The following GLI3 variants were observed in gnomAD, a reference collection of about 807,000 sequenced individuals.
GLI3 encodes the protein GLI family zinc finger 3.
A neutral mutation model predicts 100.8 loss-of-function variants in GLI3; 20 were observed. That is an observed-to-expected ratio of 0.20 (90% confidence interval 0.14 to 0.29). GLI3 has a LOEUF of 0.29. Among genes scored for constraint, GLI3 ranks in the 10% least tolerant of loss-of-function variants. The pLI is 1.00. For missense variants in GLI3, 2,040 were observed against 2,128.5 expected (o/e 0.96, Z 0.82); for synonymous variants, 938 against 860.5 (o/e 1.09, Z -1.58).
At chr7:42,212,177 T>A (rs1285169391) in intron 2 of GLI3, among the ~76,000 whole-genome samples, 1 of 152,210 alleles carries the variant, frequency 6.6e-6, no homozygotes, top group Non-Finnish European at 1.5e-5. Context: ...TGGCATGAAA[T>A]GCATTTGTTT....
intron 3 of GLI3, among the ~76,000 whole-genome samples, chr7:42,084,473 C>A (rs1038611836): frequency 6.6e-6 from 1 of 152,220 alleles, no homozygotes; most frequent in Admixed American, 6.5e-5. Flanking sequence ...GGAAAGAAAA[C>A]CACATCTACG....
At chr7:42,126,203 T>C (rs955062808) in intron 3 of GLI3, among the ~76,000 whole-genome samples, 29 of 152,216 alleles carry the variant, frequency 1.9e-4, no homozygotes, top group African/African-American at 6.5e-4. Flanking sequence ...GTAGTGCCTG[T>C]GTTTCTCTGA....
At chr7:42,046,800 C>T (rs1467342778) in intron 5 of GLI3, among the ~76,000 whole-genome samples, 1 of 152,146 alleles carries the variant, frequency 6.6e-6, no homozygotes, top group Non-Finnish European at 1.5e-5. Flanking sequence ...TTCTCCAGTT[C>T]TTCAAGTGCA....
chr7:42,045,883 T>C lies in GLI3; in HGVS notation c.680-353A>G, dbSNP rs553934362. Among the ~76,000 whole-genome samples the C allele has an allele frequency of 1.2e-4, 18 of 152,350 alleles. No individual in the cohort carries two copies. The South Asian group carries it at 3.7e-3, about 32-fold the overall frequency. ...CAAATCACTGTATGTTTGCATTTCTTACAATAGTAGACAACTTAGAAGACT... is the reference window on the plus strand; with the variant it reads ...CAAATCACTGTATGTTTGCATTTCTCACAATAGTAGACAACTTAGAAGACT... On this transcript the variant is annotated intron_variant, in intron 5 of 14. Coordinates refer to ENST00000395925, the MANE Select transcript of GLI3 (RefSeq NM_000168.6).
At chr7:42,090,722 C>T (rs1785199463) in intron 3 of GLI3, among the ~76,000 whole-genome samples, 3 of 152,138 alleles carry the variant, frequency 2.0e-5, no homozygotes, top group Non-Finnish European at 4.4e-5. Context: ...AGACACTGTC[C>T]TCAGCTTAAC....
At chr7:41,980,933 G>C (rs1329717118) in intron 10 of GLI3, among the ~76,000 whole-genome samples, 1 of 152,188 alleles carries the variant, frequency 6.6e-6, no homozygotes, top group African/African-American at 2.4e-5. Context: ...GTTGTGATAG[G>C]CATTATGAAG....
chr7:42,223,744 C>T (rs147338434), intron 1 of GLI3, among the ~76,000 whole-genome samples: 87 of 152,280 alleles, frequency 5.7e-4, no homozygotes, highest in African/African-American at 1.9e-3. Context: ...TAAAGAGAGT[C>T]CGACAATTTC....
rs79075831 is a variant in GLI3, at chr7:42,155,393, C to G, written c.125-6925G>C. 8.1e-4 allele frequency among the ~76,000 whole-genome samples: 122 copies of G among 150,808 alleles called. 1 individual carries two copies. In the East Asian group the frequency reaches 0.021, roughly 26 times the overall value. Reference sequence around the variant, plus strand: ...GGCGGAGGTTGCAGTGAGCCAAGATCACGCCATTGCACTCCAGCCTGGACA... The same window carrying G: ...GGCGGAGGTTGCAGTGAGCCAAGATGACGCCATTGCACTCCAGCCTGGACA... On this transcript the variant is annotated intron_variant, in intron 2 of 14. Coordinates refer to ENST00000395925, the MANE Select transcript of GLI3 (RefSeq NM_000168.6).
chr7:42,032,661 C>T (rs1789325585), intron 7 of GLI3, among the ~76,000 whole-genome samples: 1 of 152,052 alleles, frequency 6.6e-6, no homozygotes, highest in Non-Finnish European at 1.5e-5. Flanking sequence ...GATTCCTTAA[C>T]AATGGTACTA....
chr7:42,066,076 C>T (rs1270478724), intron 4 of GLI3, among the ~76,000 whole-genome samples: 3 of 152,156 alleles, frequency 2.0e-5, no homozygotes, highest in Admixed American at 6.5e-5. Flanking sequence ...ACTTGTGGCT[C>T]GGAGGAATGT....
intron 3 of GLI3, among the ~76,000 whole-genome samples, chr7:42,119,036 A>C (rs1445318790): frequency 3.9e-5 from 6 of 152,324 alleles, no homozygotes; most frequent in Admixed American, 3.9e-4. Context: ...GGGCTGTAGG[A>C]GGCAGGCAGG....
At chr7:42,240,138 A>G (rs1788909781), upstream of GLI3, among the ~76,000 whole-genome samples, 1 of 152,202 alleles carries the variant, frequency 6.6e-6, no homozygotes, top group Admixed American at 6.5e-5. Flanking sequence ...CACAGCACTA[A>G]GAGACTTACA....
At chr7:42,258,549 T>C (rs1789108430) in intron 1 of GLI3, among the ~76,000 whole-genome samples, 4 of 152,212 alleles carry the variant, frequency 2.6e-5, no homozygotes, top group Admixed American at 2.6e-4. Context: ...TCACCATAAC[T>C]CTCTTCTTCC....
At chr7:42,039,748 A>T (rs1784091434) in intron 7 of GLI3, among the ~76,000 whole-genome samples, 1 of 152,230 alleles carries the variant, frequency 6.6e-6, no homozygotes, top group Non-Finnish European at 1.5e-5. Context: ...CTGGATAAAA[A>T]GATTTGCCCT....
chr7:42,082,972 T>C (rs188887314), intron 3 of GLI3, among the ~76,000 whole-genome samples: 94 of 152,316 alleles, frequency 6.2e-4, no homozygotes, highest in Non-Finnish European at 9.0e-4. Context: ...GACACAGGCA[T>C]GCAACACATA....
intron 2 of GLI3, among the ~76,000 whole-genome samples, chr7:42,219,197 T>A (rs1190157735): frequency 1.3e-5 from 2 of 152,214 alleles, no homozygotes; most frequent in African/African-American, 2.4e-5. Context: ...AAAGCCAATA[T>A]GTGAAATGCC....
intron 10 of GLI3, among the ~76,000 whole-genome samples, chr7:42,012,551 T>C (rs774396103): frequency 2.6e-5 from 4 of 152,186 alleles, no homozygotes; most frequent in Non-Finnish European, 5.9e-5. Flanking sequence ...GGCTAATAAA[T>C]CATACTTTCT....
chr7:42,092,432 C>G (rs962463393), intron 3 of GLI3, among the ~76,000 whole-genome samples: 1 of 152,150 alleles, frequency 6.6e-6, no homozygotes, highest in African/African-American at 2.4e-5. Flanking sequence ...AGCGCAAAGC[C>G]CGTGGTGTGC....
chr7:42,188,103 C>T (rs1287337629), intron 2 of GLI3, among the ~76,000 whole-genome samples: 1 of 151,780 alleles, frequency 6.6e-6, no homozygotes, highest in African/African-American at 2.4e-5. Flanking sequence ...CATCTACAAG[C>T]CAAGCAATAG....
Sources: gnomAD v4.1 joint callset for allele counts (sites outside exome capture counted in the v4.1 genomes callset) on GRCh38, gnomAD v4.1.1 for gene constraint, MANE v1.5 for transcripts, NCBI Gene and HGNC (gene_info 2026-07-23, HGNC 2026-07-21) for gene names.